The following COQ8A variants were observed in gnomAD, a reference collection of about 807,000 sequenced individuals.
The protein encoded by COQ8A is atypical kinase COQ8A, mitochondrial.
A neutral mutation model predicts 65.0 loss-of-function variants in COQ8A; 51 were observed. The observed-to-expected ratio is 0.78, with a 90% CI of 0.63 to 0.99. The LOEUF (loss-of-function observed/expected upper bound fraction) is 0.99. Among genes scored for constraint, COQ8A ranks in the 50% least tolerant of loss-of-function variants. COQ8A has a pLI of 0.00. For synonymous variants in COQ8A, 371 were observed against 353.2 expected (o/e 1.05, Z -0.57); for missense variants, 940 against 875.0 (o/e 1.07, Z -0.94).
chr1:226,979,645 G>A (rs1346893079), intron 5 of COQ8A, among the ~76,000 whole-genome samples: 1 of 152,184 alleles, frequency 6.6e-6, no homozygotes, highest in Non-Finnish European at 1.5e-5. Context: ...TCCAGCCTGG[G>A]CTAGCCTCCT....
At position 226,982,974 on chromosome 1, in the gene COQ8A, C is replaced by A. The variant is rs181558991; in HGVS notation, c.1020C>A (p.Ser340=). 237 of 1,603,882 alleles carry A rather than the reference C, an allele frequency of 1.5e-4. 2 individuals are homozygous for A. The South Asian group carries it at 2.5e-3, about 17-fold the overall frequency. The change falls in exon 8 of 15, where the codon TCC becomes TCA. Residue 340 remains serine (S), a synonymous_variant. Coordinates refer to ENST00000366777, the MANE Select transcript of COQ8A (RefSeq NM_020247.5). ...AGGAGCGGCCCTTCGCCGCCGCATC[C>A]ATTGGGCAGGTGCACTTGGCCCGAA... ...YFEERPFAAA[S]IGQVHLARMK... is the part of the protein sequence containing the mutation.
At chr1:226,956,296 G>A in intron 1 of COQ8A, among the ~76,000 whole-genome samples, 1 of 88,024 alleles carries the variant, frequency 1.1e-5, no homozygotes, top group African/African-American at 5.5e-5. Flanking sequence ...ACTCTCCCTG[G>A]TTCACACTCT....
chr1:226,957,285 C>T (rs865958944), intron 1 of COQ8A, among the ~76,000 whole-genome samples: 2 of 134,098 alleles, frequency 1.5e-5, no homozygotes, highest in Non-Finnish European at 3.4e-5. Context: ...CTCCCTGCCC[C>T]CCCCCCCCCA....
intron 1 of COQ8A, among the ~76,000 whole-genome samples, chr1:226,953,221 G>T (rs757120530): frequency 8.6e-5 from 13 of 152,012 alleles, no homozygotes; most frequent in Admixed American, 3.3e-4. Context: ...GTAGAGATGG[G>T]GTTTCACCAT....
intron 1 of COQ8A, among the ~76,000 whole-genome samples, chr1:226,952,022 G>T (rs914146528): frequency 5.9e-5 from 9 of 152,192 alleles, no homozygotes; most frequent in African/African-American, 2.2e-4. Context: ...TTCTAAACTA[G>T]GATCCTGTTT....
At chr1:226,971,520 C>G (rs1472093168) in intron 4 of COQ8A, among the ~76,000 whole-genome samples, 3 of 151,608 alleles carry the variant, frequency 2.0e-5, no homozygotes, top group Non-Finnish European at 4.4e-5. Flanking sequence ...GCGTTGCACT[C>G]CAGCCTGGAT....
At chr1:226,971,555 A>AG (rs537132800) in intron 4 of COQ8A, among the ~76,000 whole-genome samples, 152 of 151,490 alleles carry the variant, frequency 1.0e-3, no homozygotes, top group Non-Finnish European at 1.7e-3. Context: ...AAAAAGAAAA[A>AG]GAAAAAAAAG....
At position 226,970,981 on chromosome 1, in the gene COQ8A, C is replaced by G. The variant is rs779686426; in HGVS notation, c.655+5244C>G. Among the ~76,000 whole-genome samples, 4 of 152,048 alleles carry G rather than the reference C, an allele frequency of 2.6e-5. No homozygotes were observed. In the East Asian group the frequency reaches 7.8e-4, roughly 30 times the overall value. ...TTGAGATGAAGTTTTGCTCTTGTCA[C>G]CCAGGCTGGAGTGCAATGGCGTGAT... On this transcript the variant is annotated intron_variant, in intron 4 of 14. Transcript: ENST00000366777.
chr1:226,952,351 G>A (rs1295982589), intron 1 of COQ8A, among the ~76,000 whole-genome samples: 1 of 152,126 alleles, frequency 6.6e-6, no homozygotes, highest in African/African-American at 2.4e-5. Context: ...ATACATTTGT[G>A]TGCTTGCTTA....
At chr1:226,986,186 CTCTG>C (rs1660097353) in intron 14 of COQ8A, among the ~76,000 whole-genome samples, 1 of 152,120 alleles carries the variant, frequency 6.6e-6, no homozygotes. Flanking sequence ...TTTGTTAAAA[CTCTG>C]TATGAGTGCC....
At position 226,982,527 on chromosome 1, in the gene COQ8A, G is replaced by T; in HGVS notation, c.854-151G>T. Reference sequence around the variant, plus strand: ...CCCGGGAAGCTGAGTGGCCGAGGGCGTGTGTGCGAGGGCTCCTGTCTTTCT... The same window carrying T: ...CCCGGGAAGCTGAGTGGCCGAGGGCTTGTGTGCGAGGGCTCCTGTCTTTCT... On this transcript the variant is annotated intron_variant, in intron 6 of 14. Coordinates refer to ENST00000366777, the MANE Select transcript of COQ8A (RefSeq NM_020247.5). 7.0e-6 allele frequency: 6 copies of T among 851,452 alleles called. No individual in the cohort carries two copies. In the South Asian group the frequency reaches 8.4e-5, roughly 12 times the overall value. The allele number at this position is 851,452 out of a possible 1,614,324, so 52.7% of individuals were successfully genotyped here.
At chr1:226,980,820 C>G (rs570998365) in intron 5 of COQ8A, among the ~76,000 whole-genome samples, 1 of 152,344 alleles carries the variant, frequency 6.6e-6, no homozygotes, top group South Asian at 2.1e-4. Flanking sequence ...GCTCCTCTTC[C>G]GGGCCCGCAG....
At chr1:226,961,702 G>A (rs557066640) in intron 2 of COQ8A, 140 bp downstream of exon 2, 13 of 1,050,646 alleles carry the variant, frequency 1.2e-5, no homozygotes, top group Admixed American at 8.5e-5. Flanking sequence ...TGTGTCCCAC[G>A]GTCCTTCCAG....
At chr1:226,955,214 G>C (rs1657613184) in intron 1 of COQ8A, among the ~76,000 whole-genome samples, 1 of 152,024 alleles carries the variant, frequency 6.6e-6, no homozygotes, top group Non-Finnish European at 1.5e-5. Flanking sequence ...TGGGTGGTAA[G>C]GTCAGTTTGG....
At chr1:226,980,991 A>G (rs1438775025) in intron 5 of COQ8A, among the ~76,000 whole-genome samples, 1 of 152,236 alleles carries the variant, frequency 6.6e-6, no homozygotes, top group Non-Finnish European at 1.5e-5. Context: ...AAGTGATTTG[A>G]ACTGAGGCAA....
In COQ8A at chr1:226,982,989, C is replaced by G; in HGVS notation, c.1035C>G (p.His345Gln). Residue 345 changes from histidine to glutamine, a missense_variant, in exon 8 of 15, where the codon CAC becomes CAG. Physicochemically the swap from His to Gln is conservative, Grantham distance 24. Transcript: ENST00000366777. ...CCGCCGCATCCATTGGGCAGGTGCA[C>G]TTGGCCCGAATGAAGGGCGGCCGCG... The part of the protein sequence containing the change: ...PFAAASIGQV[H>Q]LARMKGGREV... The G allele has an allele frequency of 6.2e-7, 1 of 1,600,736 alleles. No individual in the cohort carries two copies. Among genetic ancestry groups the G allele is most frequent in the South Asian group, 1.1e-5 (1 of 89,456 alleles).
At chr1:226,943,264 G>A (rs1350606550) in intron 1 of COQ8A, among the ~76,000 whole-genome samples, 1 of 152,258 alleles carries the variant, frequency 6.6e-6, no homozygotes, top group South Asian at 2.1e-4. Flanking sequence ...AACAAGAGCT[G>A]TGTGCAAAAT....
At chr1:226,959,904 A>C (rs1410671074) in intron 1 of COQ8A, among the ~76,000 whole-genome samples, 2 of 152,270 alleles carry the variant, frequency 1.3e-5, no homozygotes, top group African/African-American at 2.4e-5. Flanking sequence ...CCACTTTGAA[A>C]GTAGGACAAG....
chr1:226,947,821 A>G (rs1481427448), intron 1 of COQ8A, among the ~76,000 whole-genome samples: 3 of 151,426 alleles, frequency 2.0e-5, no homozygotes, highest in East Asian at 3.9e-4. Flanking sequence ...ATATATATCT[A>G]TCTGCCTGGC....
Sources: gnomAD v4.1 joint callset for allele counts (sites outside exome capture counted in the v4.1 genomes callset) on GRCh38, gnomAD v4.1.1 for gene constraint, MANE v1.5 for transcripts, NCBI Gene and HGNC (gene_info 2026-07-23, HGNC 2026-07-21) for gene names.